Variants in MEGF11 observed in about 807,000 individuals in gnomAD.
MEGF11 encodes the protein multiple epidermal growth factor-like domains protein 11.
In MEGF11, 126 loss-of-function variants were observed where a neutral mutation model predicts 146.6. The observed-to-expected ratio is 0.86, with a 90% confidence interval of 0.74 to 1.00. The LOEUF (loss-of-function observed/expected upper bound fraction) is 1.00, where lower values mean the gene tolerates loss of function less well. Among genes scored for constraint, MEGF11 ranks in the 50% least tolerant of loss-of-function variants. MEGF11 has a pLI of 0.00. For missense variants in MEGF11, 1,509 were observed against 1,521.2 expected (o/e 0.99, Z 0.13); for synonymous variants, 532 against 583.4 (o/e 0.91, Z 1.27).
chr15:65,922,234 C>T (rs566384545), intron 15 of MEGF11, 104 bp downstream of exon 15: 124 of 1,416,892 alleles, frequency 8.8e-5, no homozygotes, highest in Non-Finnish European at 1.1e-4. Context: ...GAAGGAGCTA[C>T]CTCCATAGCG....
chr15:65,923,548 G>A (rs936838622), intron 13 of MEGF11, among the ~76,000 whole-genome samples: 2 of 152,148 alleles, frequency 1.3e-5, no homozygotes, highest in Non-Finnish European at 2.9e-5. Flanking sequence ...CGCAGTATGT[G>A]TATCATTCAT....
intron 1 of MEGF11, among the ~76,000 whole-genome samples, chr15:66,192,960 G>A (rs2090921351): frequency 6.6e-6 from 1 of 152,204 alleles, no homozygotes; most frequent in Admixed American, 6.5e-5. Flanking sequence ...CAGCACCAAG[G>A]CAGCACCAAG....
At chr15:65,905,818 G>A (rs1567148658) in intron 24 of MEGF11, 3 of 355,100 alleles carry the variant, frequency 8.4e-6, no homozygotes, top group South Asian at 8.6e-5. Flanking sequence ...TTACATTTCC[G>A]AAGACATTTA....
chr15:66,090,901 C>T (rs1331775428), intron 5 of MEGF11, among the ~76,000 whole-genome samples: 1 of 152,168 alleles, frequency 6.6e-6, no homozygotes, highest in East Asian at 1.9e-4. Flanking sequence ...CCAGATCTAG[C>T]CCAATGTGCA....
intron 10 of MEGF11, among the ~76,000 whole-genome samples, chr15:65,934,915 C>A (rs1408267377): frequency 6.6e-6 from 1 of 152,148 alleles, no homozygotes; most frequent in Non-Finnish European, 1.5e-5. Context: ...TTGTAATATC[C>A]TTTATAATAA....
chr15:66,090,856 G>T (rs2086291836), intron 5 of MEGF11, among the ~76,000 whole-genome samples: 1 of 152,182 alleles, frequency 6.6e-6, no homozygotes, highest in Non-Finnish European at 1.5e-5. Context: ...TTATAGACTA[G>T]CTCATATATT....
intron 7 of MEGF11, among the ~76,000 whole-genome samples, 153 bp downstream of exon 7, chr15:65,980,625 C>CT (rs2081603242): frequency 6.6e-6 from 1 of 152,128 alleles, no homozygotes; most frequent in Non-Finnish European, 1.5e-5. Context: ...TCTCAAACTC[C>CT]TGACCTCAAG....
intron 1 of MEGF11, among the ~76,000 whole-genome samples, chr15:66,235,504 A>AG (rs1452660790): frequency 2.5e-5 from 2 of 79,708 alleles, no homozygotes; most frequent in Non-Finnish European, 5.5e-5. Flanking sequence ...TCTGTCTCAA[A>AG]GAAAAAAAAA....
chr15:66,076,554 A>G (rs1027368051), intron 5 of MEGF11, among the ~76,000 whole-genome samples: 2 of 152,154 alleles, frequency 1.3e-5, no homozygotes, highest in Non-Finnish European at 2.9e-5. Context: ...TTGCTGTGGC[A>G]CTATTGAACA....
intron 5 of MEGF11, among the ~76,000 whole-genome samples, chr15:66,056,274 A>AGGG (rs1253827712): frequency 9.8e-6 from 1 of 101,544 alleles, no homozygotes; most frequent in Admixed American, 1.2e-4. Flanking sequence ...GGGGCTGTAG[A>AGGG]GGGGGCAGGG....
chr15:66,022,847 CAAAAAAA>C (rs10579872), intron 5 of MEGF11, among the ~76,000 whole-genome samples: 1 of 128,230 alleles, frequency 7.8e-6, no homozygotes, highest in African/African-American at 3.0e-5. Context: ...GACCCTGTCT[CAAAAAAA>C]AAAAAAAAAA....
At chr15:65,994,482 T>C (rs561718015) in intron 5 of MEGF11, among the ~76,000 whole-genome samples, 6 of 152,288 alleles carry the variant, frequency 3.9e-5, no homozygotes, top group Admixed American at 3.9e-4. Context: ...GTTGCCCTAT[T>C]CATGCTGGAG....
chr15:66,094,771 T>G (rs1210668796), intron 4 of MEGF11, among the ~76,000 whole-genome samples: 1 of 152,184 alleles, frequency 6.6e-6, no homozygotes, highest in African/African-American at 2.4e-5. Context: ...TGAGAACATT[T>G]CCTGCAACGT....
intron 7 of MEGF11, among the ~76,000 whole-genome samples, chr15:65,973,246 A>G (rs2081353365): frequency 6.6e-6 from 1 of 152,202 alleles, no homozygotes; most frequent in Admixed American, 6.5e-5. Flanking sequence ...GATGACAGCT[A>G]TGCTGCAGGC....
intron 1 of MEGF11, among the ~76,000 whole-genome samples, chr15:66,243,014 T>C (rs571865913): frequency 6.6e-6 from 1 of 152,322 alleles, no homozygotes; most frequent in South Asian, 2.1e-4. Context: ...ATACAAACTT[T>C]AAGCACTACC....
rs1212077947 is a variant in MEGF11 at position 65,922,890 on chromosome 15, G to A, written c.1755C>T (p.Gly585=). 1 of 1,613,262 alleles carries A rather than the reference G, an allele frequency of 6.2e-7. No individual in the cohort carries two copies. Among genetic ancestry groups the A allele is most frequent in the Non-Finnish European group, 8.5e-7 (1 of 1,179,726 alleles). ...CSVSCSCENG[G]SCSPEDGSCE... is the part of the protein sequence containing the mutation. ...AGCTCCCATCCTCTGGGGAGCAGGA[G>A]CCTCCATTCTCACAGCTGCAGGAGA... Residue 585 remains glycine (G), a synonymous_variant, in exon 14 of 26, where the codon GGC becomes GGT. Coordinates refer to ENST00000395614, the MANE Select transcript of MEGF11 (RefSeq NM_001385028.1).
chr15:65,897,866 A>G lies in MEGF11; in HGVS notation c.*68T>C. The G allele has an allele frequency of 1.4e-6, 2 of 1,475,818 alleles. No individual in the cohort carries two copies. The highest frequency in any genetic ancestry group is 2.4e-4 in the Middle Eastern group (1 of 4,110). 91.4% of individuals were successfully genotyped at this position (1,475,818 alleles called of 1,614,324 possible). A position where few individuals can be genotyped will look rare whatever the true frequency, so the allele number is the denominator to read the frequency against. On this transcript the variant is annotated 3_prime_UTR_variant, in exon 26 of 26. Transcript: ENST00000395614. ...CCAGTCTGTACCATTACTTCAAGTC[A>G]AGGGACTGTCTTCTTTCAGAGTCAG...
chr15:65,984,370 C>CA (rs774672548), intron 5 of MEGF11, among the ~76,000 whole-genome samples: 80 of 151,670 alleles, frequency 5.3e-4, no homozygotes, highest in Non-Finnish European at 9.0e-4. Context: ...TACTAAAATA[C>CA]AAAAAATTAG....
chr15:66,066,897 G>A (rs2085152331), intron 5 of MEGF11, among the ~76,000 whole-genome samples: 1 of 152,198 alleles, frequency 6.6e-6, no homozygotes, highest in Non-Finnish European at 1.5e-5. Context: ...CCCCAGAAAG[G>A]AGAGGCACCA....
Sources: allele counts gnomAD v4.1 joint callset (sites outside exome capture counted in the v4.1 genomes callset), GRCh38; gene constraint gnomAD v4.1.1; transcripts MANE v1.5; gene names NCBI Gene and HGNC (gene_info 2026-07-23, HGNC 2026-07-21).